RPH3AL: variants seen among roughly 807,000 people sequenced by gnomAD.
The protein encoded by RPH3AL is rab effector Noc2.
Under a neutral mutation model 43.1 loss-of-function variants are expected in RPH3AL, and 38 were observed. That is an observed-to-expected ratio of 0.88 (90% CI 0.68 to 1.15). The LOEUF (loss-of-function observed/expected upper bound fraction) is 1.15, where lower values mean the gene tolerates loss of function less well. Ranked by LOEUF, RPH3AL falls within the 50% of genes most tolerant of loss-of-function variation. The pLI is 0.00. For missense variants in RPH3AL, 462 were observed against 423.2 expected (o/e 1.09, Z -0.81); for synonymous variants, 189 against 176.3 (o/e 1.07, Z -0.57).
chr17:225,013 A>C lies in RPH3AL; in HGVS notation c.614-5277T>G, dbSNP rs1171195353. ...TAGCGTTAGGAGATATACCTAATGT[A>C]AATGACGAGTTAATGGGTGCAGCAC... On this transcript the variant is annotated intron_variant, in intron 7 of 9. Coordinates refer to ENST00000331302, the MANE Select transcript of RPH3AL (RefSeq NM_006987.4). This position sits in a 1 kb window ranked among gnomAD's most constrained non-coding sequence, Gnocchi z 4.4. Among the ~76,000 whole-genome samples the C allele has an allele frequency of 6.6e-6, 1 of 151,932 alleles. No individual in the cohort carries two copies. The highest frequency in any genetic ancestry group is 1.5e-5 in the Non-Finnish European group (1 of 67,994).
chr17:349,619 C>T (rs998849981), intron 1 of RPH3AL, among the ~76,000 whole-genome samples: 7 of 151,770 alleles, frequency 4.6e-5, no homozygotes, highest in South Asian at 4.2e-4. Context: ...GCCAGGAGTT[C>T]GAGACCAACC....
intron 6 of RPH3AL, among the ~76,000 whole-genome samples, chr17:270,526 C>T (rs1395821153): frequency 6.6e-6 from 1 of 152,218 alleles, no homozygotes; most frequent in East Asian, 1.9e-4. Flanking sequence ...CTGCTGGTCA[C>T]CTCCAGGATA....
rs558098689 is a variant in RPH3AL, at chr17:249,980, C to G, written c.439-2695G>C. On this transcript the variant is annotated intron_variant, in intron 6 of 9. Coordinates refer to ENST00000331302, the MANE Select transcript of RPH3AL (RefSeq NM_006987.4). ...TTACTAAGCTCCGTCGCTGCAGGAC[C>G]TCTCGGAGCCTTTACTAAGCTCCAT... 2.9e-3 allele frequency among the ~76,000 whole-genome samples: 407 copies of G among 140,554 alleles called. 9 individuals are homozygous for G. Among genetic ancestry groups the G allele is most frequent in the African/African-American group, 0.01 (385 of 37,192 alleles). The allele number at this position is 140,554 out of a possible 152,430, so 92.2% of individuals were successfully genotyped here.
chr17:254,492 C>T (rs1282058399), intron 6 of RPH3AL, among the ~76,000 whole-genome samples: 14 of 12,440 alleles, frequency 1.1e-3, no homozygotes, highest in African/African-American at 2.5e-3. Flanking sequence ...GACTACCCTA[C>T]GTACTTCCTA....
At chr17:251,165 T>C (rs975030114) in intron 6 of RPH3AL, among the ~76,000 whole-genome samples, 2 of 152,192 alleles carry the variant, frequency 1.3e-5, no homozygotes, top group Non-Finnish European at 2.9e-5. Context: ...AGCCACCCTG[T>C]GTGAAGGGCC....
At chr17:233,777 A>G (rs2041285355) in intron 7 of RPH3AL, among the ~76,000 whole-genome samples, 1 of 152,212 alleles carries the variant, frequency 6.6e-6, no homozygotes, top group Non-Finnish European at 1.5e-5. Context: ...AGGGTGTCAG[A>G]GACAACAGGG....
intron 5 of RPH3AL, among the ~76,000 whole-genome samples, chr17:318,368 C>G (rs1035775775): frequency 1.3e-5 from 2 of 152,110 alleles, no homozygotes; most frequent in Non-Finnish European, 2.9e-5. Flanking sequence ...GGTGACAGAG[C>G]AAGACTCCGT....
chr17:326,721 A>C lies in RPH3AL; in HGVS notation c.77+746T>G, dbSNP rs541930095. On this transcript the variant is annotated intron_variant, in intron 3 of 9. Transcript: ENST00000331302. ...CATGGTAAAACCCCCGTCTCTACTAAAAATACAAAAATTAGCCCATTGTGG... is the reference window on the plus strand; with the variant it reads ...CATGGTAAAACCCCCGTCTCTACTACAAATACAAAAATTAGCCCATTGTGG... Among the ~76,000 whole-genome samples the C allele has an allele frequency of 2.0e-5, 3 of 152,348 alleles. No homozygotes were observed. In the South Asian group the frequency reaches 6.2e-4, roughly 32 times the overall value.
chr17:336,515 C>T (rs959431853), intron 1 of RPH3AL, among the ~76,000 whole-genome samples: 1 of 152,140 alleles, frequency 6.6e-6, no homozygotes, highest in African/African-American at 2.4e-5. Flanking sequence ...CCCCCTCCTC[C>T]CAGCTCCGAT....
chr17:313,669 T>C (rs1293572895), intron 5 of RPH3AL, among the ~76,000 whole-genome samples: 2 of 152,212 alleles, frequency 1.3e-5, no homozygotes, highest in African/African-American at 4.8e-5. Context: ...GTCTTCTCTA[T>C]GCCCTGACCC....
At chr17:292,954 T>G (rs2043080786) in intron 5 of RPH3AL, among the ~76,000 whole-genome samples, 1 of 152,216 alleles carries the variant, frequency 6.6e-6, no homozygotes, top group Non-Finnish European at 1.5e-5. Flanking sequence ...CAGAGGCAAG[T>G]GGAGAAACAT....
intron 8 of RPH3AL, among the ~76,000 whole-genome samples, chr17:217,280 C>G (rs878986688): frequency 2.5e-5 from 3 of 118,438 alleles, no homozygotes; most frequent in African/African-American, 3.0e-5. Flanking sequence ...AAATTGGCCT[C>G]GCTGAAATCA....
chr17:216,955 G>C (rs2040817525), intron 8 of RPH3AL, among the ~76,000 whole-genome samples: 1 of 152,178 alleles, frequency 6.6e-6, no homozygotes, highest in African/African-American at 2.4e-5. Context: ...TCCCAAGACA[G>C]GACCCCCAAG....
intron 5 of RPH3AL, among the ~76,000 whole-genome samples, chr17:284,505 G>A (rs1477028722): frequency 6.6e-6 from 1 of 152,064 alleles, no homozygotes; most frequent in Non-Finnish European, 1.5e-5. Flanking sequence ...ACAAAGCTTT[G>A]CTGGGGTCGT....
intron 6 of RPH3AL, among the ~76,000 whole-genome samples, chr17:251,441 C>T (rs920936525): frequency 6.6e-6 from 1 of 152,212 alleles, no homozygotes; most frequent in Non-Finnish European, 1.5e-5. Context: ...TCAGCAATTT[C>T]CCCAAAGCCA....
chr17:279,914 G>A (rs35128325), intron 6 of RPH3AL, among the ~76,000 whole-genome samples: 61,507 of 152,108 alleles, frequency 0.4, 15,134 homozygotes, highest in Non-Finnish European at 0.54. Context: ...CTGAATTCTC[G>A]CAGCAACTGT....
intron 6 of RPH3AL, among the ~76,000 whole-genome samples, chr17:265,231 C>T (rs78964227): frequency 0.064 from 9,757 of 152,078 alleles, 425 homozygotes; most frequent in Non-Finnish European, 0.087. Context: ...GGACTGCAGG[C>T]GCATGCCACC....
At chr17:251,653 A>G (rs1343746636) in intron 6 of RPH3AL, among the ~76,000 whole-genome samples, 3 of 152,240 alleles carry the variant, frequency 2.0e-5, no homozygotes, top group Non-Finnish European at 4.4e-5. Context: ...GGAAGCAGCA[A>G]ACACACAGCA....
At chr17:244,174 T>TCCCTTCCTCTATTGATTA (rs2041681407) in intron 7 of RPH3AL, among the ~76,000 whole-genome samples, 2 of 101,936 alleles carry the variant, frequency 2.0e-5, no homozygotes, top group Non-Finnish European at 2.1e-5. Context: ...CTCTATTGAT[T>TCCCTTCCTCTATTGATTA]CCCTTCCTCT....
Sources: gnomAD v4.1 joint callset for allele counts (sites outside exome capture counted in the v4.1 genomes callset) on GRCh38, gnomAD v4.1.1 for gene constraint, Gnocchi (gnomAD v3.1) non-coding constraint, MANE v1.5 for transcripts, NCBI Gene and HGNC (gene_info 2026-07-23, HGNC 2026-07-21) for gene names.